The following TMEM135 variants were observed in gnomAD, a reference collection of about 807,000 sequenced individuals.
TMEM135 encodes peroxisomal membrane protein 52.
Under a neutral mutation model 60.3 loss-of-function variants are expected in TMEM135, and 30 were observed. That is an observed-to-expected ratio of 0.50 (90% confidence interval 0.37 to 0.68). TMEM135 has a LOEUF of 0.68. Ranked by LOEUF, TMEM135 falls within the 30% of genes least tolerant of loss-of-function variation. The pLI, the probability that TMEM135 is intolerant of heterozygous loss-of-function variation, is 0.00. For synonymous variants in TMEM135, 190 were observed against 186.7 expected, an observed-to-expected ratio of 1.02 and a Z score of -0.14; for missense variants, 468 against 548.8, an observed-to-expected ratio of 0.85 and a Z score of 1.47.
intron 6 of TMEM135, among the ~76,000 whole-genome samples, chr11:87,256,605 GTAGAGTAT>G (rs1258699679): frequency 2.4e-4 from 37 of 152,238 alleles, no homozygotes; most frequent in African/African-American, 8.4e-4. Flanking sequence ...CTGGAGTTCT[GTAGAGTAT>G]TTTAGAGGAC....
Position 87,302,345 on chromosome 11 carries a change from G to A in TMEM135, c.601G>A (p.Ala201Thr), listed in dbSNP as rs752790111. The change falls in exon 8 of 15, where the codon GCA becomes ACA. Residue 201 changes from alanine (A) to threonine (T), a missense_variant. Ala to Thr is a moderately conservative substitution (Grantham distance 58). Coordinates refer to ENST00000305494, the MANE Select transcript of TMEM135 (RefSeq NM_022918.4). ...TCCCACACATTCTTTTTCACCAGAG[G>A]CAGCATATGCAAAAGTGGAACAAAA... is the stretch of plus-strand genomic sequence containing the variant. ...EIPTHSFSPE[A>T]AYAKVEQKRE... The A allele has an allele frequency of 8.7e-6, 14 of 1,613,708 alleles. No homozygotes were observed. Among genetic ancestry groups the A allele is most frequent in the Non-Finnish European group, 1.2e-5 (14 of 1,179,912 alleles).
intron 6 of TMEM135, among the ~76,000 whole-genome samples, chr11:87,293,508 C>G (rs1427895473): frequency 3.3e-5 from 5 of 152,124 alleles, no homozygotes; most frequent in Admixed American, 3.3e-4. Flanking sequence ...CTTCCCTCCC[C>G]TCACTCCCCA....
At position 87,231,029 on chromosome 11, in the gene TMEM135, G is replaced by A. The variant is rs115638799; in HGVS notation, c.463-5609G>A. 2.1e-3 allele frequency among the ~76,000 whole-genome samples: 313 copies of A among 152,164 alleles called. 6 individuals carry two copies. Among genetic ancestry groups the A allele is most frequent in the African/African-American group, 7.1e-3 (294 of 41,538 alleles). Reference sequence around the variant, plus strand: ...AAGATCCTGGATATTAAGTATTGAAGGACAGTGTTCCCTGAGATATAGGAA... The same window carrying A: ...AAGATCCTGGATATTAAGTATTGAAAGACAGTGTTCCCTGAGATATAGGAA... On this transcript the variant is annotated intron_variant, in intron 5 of 14. Coordinates refer to ENST00000305494, the MANE Select transcript of TMEM135 (RefSeq NM_022918.4).
chr11:87,104,355 A>G (rs910195777), intron 4 of TMEM135, among the ~76,000 whole-genome samples: 15 of 152,194 alleles, frequency 9.9e-5, no homozygotes, highest in Admixed American at 3.9e-4. Context: ...TATATTTTAA[A>G]ATCAGGGAAT....
chr11:87,186,370 C>G (rs1385174044), intron 5 of TMEM135, among the ~76,000 whole-genome samples: 2 of 152,128 alleles, frequency 1.3e-5, no homozygotes, highest in Non-Finnish European at 2.9e-5. Context: ...TCAGCCATTT[C>G]CCCAAGGGAC....
At chr11:87,062,834 CTTTA>C (rs773197781) in intron 1 of TMEM135, among the ~76,000 whole-genome samples, 2 of 152,150 alleles carry the variant, frequency 1.3e-5, no homozygotes, top group East Asian at 1.9e-4. Context: ...AATTTAACCT[CTTTA>C]TTTAGTAAAT....
chr11:87,138,162 C>T (rs556683788), intron 4 of TMEM135, among the ~76,000 whole-genome samples: 1 of 151,100 alleles, frequency 6.6e-6, no homozygotes, highest in African/African-American at 2.4e-5. Context: ...ATGATCTCAG[C>T]CCACTGCAAC....
intron 4 of TMEM135, among the ~76,000 whole-genome samples, chr11:87,131,145 A>G (rs1393885657): frequency 6.6e-6 from 1 of 152,114 alleles, no homozygotes; most frequent in African/African-American, 2.4e-5. Flanking sequence ...TGTTTCCCCT[A>G]TTTTTAAAAT....
At chr11:87,090,250 A>T (rs901278730) in intron 3 of TMEM135, among the ~76,000 whole-genome samples, 1 of 152,196 alleles carries the variant, frequency 6.6e-6, no homozygotes, top group African/African-American at 2.4e-5. Flanking sequence ...AGTAGATTTA[A>T]TAAGTAGATA....
intron 1 of TMEM135, among the ~76,000 whole-genome samples, chr11:87,055,819 A>G (rs182813931): frequency 2.5e-4 from 38 of 152,026 alleles, no homozygotes; most frequent in African/African-American, 8.7e-4. Context: ...CGAACTTCTG[A>G]CCTCAAGTGA....
At chr11:87,187,423 G>A (rs1201390272) in intron 5 of TMEM135, among the ~76,000 whole-genome samples, 1 of 152,168 alleles carries the variant, frequency 6.6e-6, no homozygotes. Flanking sequence ...TTGTGGTTGA[G>A]TTGGAACACT....
At chr11:87,045,129 A>C (rs1422709431) in intron 1 of TMEM135, among the ~76,000 whole-genome samples, 1 of 151,732 alleles carries the variant, frequency 6.6e-6, no homozygotes, top group African/African-American at 2.4e-5. Context: ...TCCCGGGTTC[A>C]TGCAATTCTC....
At chr11:87,313,510 A>G (rs202004536) in intron 11 of TMEM135, 22 bp downstream of exon 11, 8 of 1,577,376 alleles carry the variant, frequency 5.1e-6, no homozygotes, top group Admixed American at 3.3e-5. Flanking sequence ...ATAAAAATGA[A>G]TGGTTATTAT....
chr11:87,067,784 A>G lies in TMEM135; in HGVS notation c.232A>G (p.Asn78Asp). The G allele has an allele frequency of 6.2e-7, 1 of 1,613,848 alleles. No individual in the cohort carries two copies. The highest frequency in any genetic ancestry group is 8.5e-7 in the Non-Finnish European group (1 of 1,179,884). ...ILQSASFLTA[N>D]GALYMAFFCI... ...ACAATCCGCTTCATTTCTAACTGCT[A>G]ATGGGGCCTTGTATATGGCTTTCTT... Residue 78 changes from asparagine to aspartate, a missense_variant, in exon 2 of 15, where the codon AAT becomes GAT. Physicochemically the swap from Asn to Asp is conservative, Grantham distance 23 (BLOSUM62 1). Coordinates refer to ENST00000305494, the MANE Select transcript of TMEM135 (RefSeq NM_022918.4).
intron 6 of TMEM135, among the ~76,000 whole-genome samples, chr11:87,285,698 C>T (rs183741750): frequency 2.6e-5 from 4 of 152,274 alleles, no homozygotes; most frequent in African/African-American, 7.2e-5. Context: ...TTGCAAAGAG[C>T]GAAAGAACAA....
intron 6 of TMEM135, among the ~76,000 whole-genome samples, chr11:87,240,250 T>G (rs1341382601): frequency 1.3e-5 from 2 of 152,116 alleles, no homozygotes; most frequent in African/African-American, 4.8e-5. Flanking sequence ...AAGAGCTTTT[T>G]GTATAATCTT....
chr11:87,041,568 T>C (rs966789549), intron 1 of TMEM135, among the ~76,000 whole-genome samples: 10 of 152,198 alleles, frequency 6.6e-5, no homozygotes, highest in African/African-American at 2.4e-4. Flanking sequence ...GCATGGAGCC[T>C]TAGTCCCCTT....
Position 87,323,965 on chromosome 11 carries a change from T to G in TMEM135, c.*2632T>G. 2.2e-6 allele frequency: 1 copy of G among 453,876 alleles called. No individual in the cohort carries two copies. The highest frequency in any genetic ancestry group is 1.6e-5 in the South Asian group (1 of 64,306). The allele number at this position is 453,876 out of a possible 1,614,324, so 28.1% of individuals were successfully genotyped here. On this transcript the variant is annotated 3_prime_UTR_variant, in exon 15 of 15. Coordinates refer to ENST00000305494, the MANE Select transcript of TMEM135 (RefSeq NM_022918.4). ...GTTTATTTTTTGCCTTCATTCGTTG[T>G]TTAGTCAGTTGTTATTTAATTTAGA...
chr11:87,065,174 A>G (rs539960582), intron 1 of TMEM135, among the ~76,000 whole-genome samples: 7 of 152,200 alleles, frequency 4.6e-5, no homozygotes, highest in Non-Finnish European at 5.9e-5. Flanking sequence ...TTTTTGTATA[A>G]GCATATGTTT....
Sources: allele counts gnomAD v4.1 joint callset (sites outside exome capture counted in the v4.1 genomes callset), GRCh38; gene constraint gnomAD v4.1.1; transcripts MANE v1.5; gene names NCBI Gene and HGNC (gene_info 2026-07-23, HGNC 2026-07-21).